The following STK3 variants were observed in gnomAD, a reference collection of about 807,000 sequenced individuals.
The protein encoded by STK3 is serine/threonine kinase 3.
In STK3, 41 loss-of-function variants were observed where a neutral mutation model predicts 58.0. That is an observed-to-expected ratio of 0.71 (90% CI 0.55 to 0.92). The LOEUF (loss-of-function observed/expected upper bound fraction) is 0.92, where lower values mean the gene tolerates loss of function less well. Among genes scored for constraint, STK3 ranks in the 40% least tolerant of loss-of-function variants. STK3 has a pLI of 0.00. For synonymous variants in STK3, 170 were observed against 191.0 expected (o/e 0.89, Z 0.91); for missense variants, 479 against 602.7 (o/e 0.79, Z 2.15).
rs865950057 is a variant in STK3, at chr8:98,692,958, G to A, written c.684+13509C>T. Among the ~76,000 whole-genome samples the A allele has an allele frequency of 4.2e-4, 64 of 152,148 alleles. No homozygotes were observed. In the Middle Eastern group the frequency reaches 0.01, roughly 24 times the overall value. On this transcript the variant is annotated intron_variant, in intron 6 of 10. Transcript: ENST00000419617. ...TCTAAATGTTACACAATTTGGGGGG[G>A]AAAAATACAATTTATGCAGATATAA...
intron 4 of STK3, among the ~76,000 whole-genome samples, chr8:98,708,395 C>T (rs1287431173): frequency 2.0e-5 from 3 of 152,194 alleles, no homozygotes; most frequent in African/African-American, 4.8e-5. Flanking sequence ...GAATCTTCTG[C>T]GAGAAGCTCC....
chr8:98,613,083 C>T (rs1213643113), intron 6 of STK3, among the ~76,000 whole-genome samples: 1 of 152,154 alleles, frequency 6.6e-6, no homozygotes, highest in Admixed American at 6.5e-5. Flanking sequence ...AGACTACACA[C>T]GGAGAGCTAG....
chr8:98,556,727 A>G (rs1563736596), intron 8 of STK3, among the ~76,000 whole-genome samples: 1 of 152,070 alleles, frequency 6.6e-6, no homozygotes, highest in Non-Finnish European at 1.5e-5. Context: ...CTGGAGAAAG[A>G]CTAGAATCAG....
At chr8:98,589,382 T>A (rs1815022812) in intron 7 of STK3, among the ~76,000 whole-genome samples, 1 of 152,264 alleles carries the variant, frequency 6.6e-6, no homozygotes. Flanking sequence ...GTGCCCCTGT[T>A]GGAGGGTGCC....
At position 98,656,653 on chromosome 8, in the gene STK3, A is replaced by G. The variant is rs867891217; in HGVS notation, c.684+49814T>C. On this transcript the variant is annotated intron_variant, in intron 6 of 10. Transcript: ENST00000419617. ...ATTTATGCAGAATTATTTTCAGTTA[A>G]AGGCTATTAATTAGTGCGTCCTTTT... is the stretch of plus-strand genomic sequence containing the variant. Among the ~76,000 whole-genome samples, 127 of 152,214 alleles carry G rather than the reference A, an allele frequency of 8.3e-4. 2 individuals carry two copies. Among genetic ancestry groups the G allele is most frequent in the African/African-American group, 3.0e-3 (125 of 41,552 alleles).
chr8:98,895,889 A>G (rs1035238465), intron 1 of STK3, among the ~76,000 whole-genome samples: 4 of 152,208 alleles, frequency 2.6e-5, no homozygotes, highest in Non-Finnish European at 5.9e-5. Context: ...TTATTTGTTT[A>G]GGGAACAAAT....
At chr8:98,812,538 G>A (rs1411555716) in intron 1 of STK3, among the ~76,000 whole-genome samples, 1 of 152,164 alleles carries the variant, frequency 6.6e-6, no homozygotes, top group East Asian at 1.9e-4. Context: ...CCATTACTGG[G>A]TATATACCCA....
intron 10 of STK3, among the ~76,000 whole-genome samples, chr8:98,501,195 G>A (rs1392172728): frequency 6.6e-6 from 1 of 152,006 alleles, no homozygotes. Context: ...TCTGCTGGCT[G>A]CATAAATGTC....
intron 6 of STK3, among the ~76,000 whole-genome samples, chr8:98,612,308 G>A (rs1199075925): frequency 6.7e-6 from 1 of 150,230 alleles, no homozygotes; most frequent in African/African-American, 2.4e-5. Flanking sequence ...TATAATCCCA[G>A]CCACTTGGGA....
chr8:98,453,339 G>A (rs1257938641), downstream of STK3, among the ~76,000 whole-genome samples: 2 of 151,128 alleles, frequency 1.3e-5, no homozygotes, highest in Non-Finnish European at 3.0e-5. Flanking sequence ...TGCCTGCCTC[G>A]GCCTCCCAAA....
intron 4 of STK3, among the ~76,000 whole-genome samples, chr8:98,744,649 G>A (rs1172209590): frequency 3.3e-5 from 5 of 150,706 alleles, no homozygotes; most frequent in African/African-American, 4.9e-5. Flanking sequence ...GAGTTAATGG[G>A]TACAGCACAC....
At chr8:98,768,550 G>A (rs996502285) in intron 2 of STK3, among the ~76,000 whole-genome samples, 2 of 152,138 alleles carry the variant, frequency 1.3e-5, no homozygotes, top group African/African-American at 4.8e-5. Context: ...GGGTGTGGGG[G>A]AATGTATGTG....
At chr8:98,796,842 CAT>C (rs1431873497) in intron 1 of STK3, among the ~76,000 whole-genome samples, 2 of 152,118 alleles carry the variant, frequency 1.3e-5, no homozygotes, top group African/African-American at 2.4e-5. Context: ...AGTAGCCAAA[CAT>C]ATGAAAAAAT....
chr8:98,664,913 A>G (rs1055882240), intron 6 of STK3, among the ~76,000 whole-genome samples: 2 of 152,166 alleles, frequency 1.3e-5, no homozygotes, highest in Non-Finnish European at 2.9e-5. Context: ...TTAAAAAAAA[A>G]AAAAGTATCT....
chr8:98,778,133 G>A (rs1831829520), intron 1 of STK3, among the ~76,000 whole-genome samples: 1 of 152,162 alleles, frequency 6.6e-6, no homozygotes, highest in East Asian at 1.9e-4. Flanking sequence ...CTACTCATCT[G>A]ACAAAGGGCT....
chr8:98,791,355 T>C (rs559111897), intron 1 of STK3, among the ~76,000 whole-genome samples: 92 of 152,334 alleles, frequency 6.0e-4, no homozygotes, highest in Non-Finnish European at 9.8e-4. Flanking sequence ...CCCATGCTCA[T>C]TGATGGGTAG....
chr8:98,889,493 C>A (rs1311985612), intron 1 of STK3, among the ~76,000 whole-genome samples: 1 of 152,200 alleles, frequency 6.6e-6, no homozygotes, highest in Non-Finnish European at 1.5e-5. Context: ...TTGTCCCCCA[C>A]CAGAAAAGCA....
chr8:98,399,428 C>T (rs1024312581), downstream of STK3, among the ~76,000 whole-genome samples: 23 of 152,214 alleles, frequency 1.5e-4, no homozygotes, highest in South Asian at 1.0e-3. Flanking sequence ...TCCCGGTTGA[C>T]GCTCTTTGGC....
chr8:98,556,454 G>T (rs1174341994), intron 8 of STK3, among the ~76,000 whole-genome samples: 1 of 152,088 alleles, frequency 6.6e-6, no homozygotes, highest in African/African-American at 2.4e-5. Context: ...TTGCTCCTTA[G>T]AATTAATTTA....
Sources: gnomAD v4.1 joint callset for allele counts (sites outside exome capture counted in the v4.1 genomes callset) on GRCh38, gnomAD v4.1.1 for gene constraint, MANE v1.5 for transcripts, NCBI Gene and HGNC (gene_info 2026-07-23, HGNC 2026-07-21) for gene names.